PCDHGC4: variants seen among roughly 807,000 people sequenced by gnomAD.
The protein encoded by PCDHGC4 is protocadherin gamma-C4.
In PCDHGC4, 15 loss-of-function variants were observed where a neutral mutation model predicts 59.7. The observed-to-expected ratio is 0.25, with a 90% CI of 0.17 to 0.39. The LOEUF is 0.39. Ranked by LOEUF, PCDHGC4 falls within the 10% of genes least tolerant of loss-of-function variation. The probability of loss-of-function intolerance (pLI) is 1.00; values close to 1 mark genes in which losing one functional copy is unlikely to be tolerated. For missense variants in PCDHGC4, 1,016 were observed against 1,189.5 expected (o/e 0.85, Z 2.15); for synonymous variants, 434 against 481.4 (o/e 0.90, Z 1.29).
intron 1 of PCDHGC4, among the ~76,000 whole-genome samples, chr5:141,494,338 ACAG>A (rs2099753688): frequency 6.6e-6 from 1 of 152,224 alleles, no homozygotes; most frequent in African/African-American, 2.4e-5. Flanking sequence ...GTTACCAAGA[ACAG>A]CAGCCATCTT....
rs774271747 is a variant in PCDHGC4 at position 141,485,866 on chromosome 5, C to A, written c.693C>A (p.Ser231=). Residue 231 remains serine (S), a synonymous_variant, in exon 1 of 4, where the codon TCC becomes TCA. Coordinates refer to ENST00000306593, the MANE Select transcript of PCDHGC4 (RefSeq NM_018928.3). The surrounding 1 kb of genome is among the most constrained non-coding windows in gnomAD (Gnocchi z 5.7). Reference sequence around the variant, plus strand: ...CTGGCACCGCAGAGCTCCGGGTATCCGTGCTGGACGTAAACGACAACGCCC... The same window carrying A: ...CTGGCACCGCAGAGCTCCGGGTATCAGTGCTGGACGTAAACGACAACGCCC... ...PRSGTAELRV[S]VLDVNDNAPA... is the part of the protein sequence containing the mutation. 2 of 1,614,144 alleles carry A rather than the reference C, an allele frequency of 1.2e-6. No homozygotes were observed. Among genetic ancestry groups the A allele is most frequent in the South Asian group, 1.1e-5 (1 of 91,074 alleles).
chr5:141,501,182 C>A (rs531641143), intron 2 of PCDHGC4, among the ~76,000 whole-genome samples: 1 of 152,126 alleles, frequency 6.6e-6, no homozygotes, highest in Non-Finnish European at 1.5e-5. Context: ...TACATTTTAA[C>A]ACAATTAAAT....
chr5:141,494,173 G>C (rs554811420), intron 1 of PCDHGC4, among the ~76,000 whole-genome samples: 2 of 152,304 alleles, frequency 1.3e-5, no homozygotes, highest in South Asian at 2.1e-4. Flanking sequence ...CTAGGGGTGA[G>C]AAGTGTCCCG....
chr5:141,511,351 C>T lies in PCDHGC4; in HGVS notation c.*178C>T. The T allele has an allele frequency of 3.6e-6, 5 of 1,386,550 alleles. No individual in the cohort carries two copies. Among genetic ancestry groups the T allele is most frequent in the South Asian group, 1.5e-5 (1 of 67,154 alleles). The allele number at this position is 1,386,550 out of a possible 1,614,324, so 85.9% of individuals were successfully genotyped here. On this transcript the variant is annotated 3_prime_UTR_variant, in exon 4 of 4. Transcript: ENST00000306593. ...CCAGTCAGCACCTACCCCTTCCCCC[C>T]CAGGGGGTTGAATATGCAAAAGCAG...
chr5:141,497,497 C>T (rs1318882060), intron 2 of PCDHGC4, among the ~76,000 whole-genome samples: 1 of 151,714 alleles, frequency 6.6e-6, no homozygotes, highest in Non-Finnish European at 1.5e-5. Context: ...TCTCTCTCTC[C>T]TCTCTCTGCT....
rs1417059875 is a variant in PCDHGC4 at position 141,496,499 on chromosome 5, G to C, written c.2501+1634G>C. 2.6e-5 allele frequency among the ~76,000 whole-genome samples: 4 copies of C among 152,102 alleles called. No individual in the cohort carries two copies. In the East Asian group the frequency reaches 7.7e-4, roughly 29 times the overall value. On this transcript the variant is annotated intron_variant, in intron 2 of 3. Coordinates refer to ENST00000306593, the MANE Select transcript of PCDHGC4 (RefSeq NM_018928.3). ...TCCTGCAACCAACCAAACCCTTGTT[G>C]CCACAAGGACCCAGGAGCCCTTGGT...
At chr5:141,488,797 T>G (rs1451050520) in intron 1 of PCDHGC4, among the ~76,000 whole-genome samples, 6 of 152,158 alleles carry the variant, frequency 3.9e-5, no homozygotes, top group Non-Finnish European at 8.8e-5. Context: ...TCTTCCCTGT[T>G]GAGTACCATC....
chr5:141,495,005 CG>C (rs2099758180), intron 2 of PCDHGC4, 140 bp downstream of exon 2: 2 of 1,522,694 alleles, frequency 1.3e-6, no homozygotes, highest in African/African-American at 1.4e-5. Context: ...TCTTGGTGTG[CG>C]GGGGGCTGGC....
chr5:141,491,312 C>T lies in PCDHGC4; in HGVS notation c.2443-3495C>T, dbSNP rs749198887. The stretch of plus-strand genomic sequence containing the variant: ...CACCCTCCTGAGCGTTCAGACCTTA[C>T]CCTTTACCTCATTGTGGCTCTAGCG... On this transcript the variant is annotated intron_variant, in intron 1 of 3. Transcript: ENST00000306593. The surrounding 1 kb of genome is among the most constrained non-coding windows in gnomAD (Gnocchi z 6.9). 3 of 1,614,170 alleles carry T rather than the reference C, an allele frequency of 1.9e-6. No individual in the cohort carries two copies. Among genetic ancestry groups the T allele is most frequent in the East Asian group, 4.5e-5 (2 of 44,878 alleles).
chr5:141,510,833 C>T (rs2099882936), intron 3 of PCDHGC4, 114 bp from the exon 4 acceptor site: 46 of 1,577,678 alleles, frequency 2.9e-5, no homozygotes, highest in South Asian at 2.5e-4. Context: ...CAGTGCTCAG[C>T]GTGGTCAAGG....
At position 141,487,025 on chromosome 5, in the gene PCDHGC4, C is replaced by T. The variant is rs769789352; in HGVS notation, c.1852C>T (p.Leu618=). Residue 618 remains leucine (L), a synonymous_variant, in exon 1 of 4, where the codon CTG becomes TTG. Transcript: ENST00000306593. This position sits in a 1 kb window ranked among gnomAD's most constrained non-coding sequence, Gnocchi z 5.0. ...GCTCCTGGAGGCCCCAGATCCCAGCCTGTTTGCAGTCTCTCGATATGCTGG... is the reference window on the plus strand; with the variant it reads ...GCTCCTGGAGGCCCCAGATCCCAGCTTGTTTGCAGTCTCTCGATATGCTGG... The part of the protein sequence containing the change: ...YQLLEAPDPS[L]FAVSRYAGEV... 1.9e-6 allele frequency: 3 copies of T among 1,614,216 alleles called. No homozygotes were observed. Among genetic ancestry groups the T allele is most frequent in the Non-Finnish European group, 2.5e-6 (3 of 1,180,050 alleles).
At position 141,487,116 on chromosome 5, in the gene PCDHGC4, A is replaced by G. The variant is rs749256818; in HGVS notation, c.1943A>G (p.Lys648Arg). Residue 648 changes from lysine to arginine, a missense_variant, in exon 1 of 4, where the codon AAG becomes AGG. Transcript: ENST00000306593. This position sits in a 1 kb window ranked among gnomAD's most constrained non-coding sequence, Gnocchi z 5.0. ...LPPQKLVIVV[K>R]DSGSPPLSTS... ...CCACAGAAGCTGGTCATTGTGGTAA[A>G]GGATAGTGGTAGTCCACCACTCTCT... The G allele has an allele frequency of 3.1e-6, 5 of 1,614,022 alleles. No individual in the cohort carries two copies.
intron 3 of PCDHGC4, among the ~76,000 whole-genome samples, 193 bp downstream of exon 3, chr5:141,505,674 G>C (rs1482125302): frequency 6.6e-6 from 1 of 152,192 alleles, no homozygotes; most frequent in East Asian, 1.9e-4. Context: ...GGGGTTGGGG[G>C]TCCTGGGATG....
intron 3 of PCDHGC4, among the ~76,000 whole-genome samples, chr5:141,509,791 C>T (rs2099878284): frequency 6.6e-6 from 1 of 152,164 alleles, no homozygotes; most frequent in Non-Finnish European, 1.5e-5. Flanking sequence ...TCATCATCTC[C>T]TCAGCTTCAT....
chr5:141,508,714 G>A (rs775462794), intron 3 of PCDHGC4, among the ~76,000 whole-genome samples: 16 of 151,880 alleles, frequency 1.1e-4, no homozygotes, highest in Admixed American at 2.0e-4. Context: ...ATTCTTTTCT[G>A]TGTGCAGGGA....
chr5:141,489,944 T>A lies in PCDHGC4; in HGVS notation c.2442+2329T>A. On this transcript the variant is annotated intron_variant, in intron 1 of 3. Coordinates refer to ENST00000306593, the MANE Select transcript of PCDHGC4 (RefSeq NM_018928.3). The surrounding 1 kb of genome is among the most constrained non-coding windows in gnomAD (Gnocchi z 4.5). ...CTTATCTCTGTCATCGTGCTGGACA[T>A]CAATGATAATGCTCCAACCTTCCAA... 1 of 1,614,172 alleles carries A rather than the reference T, an allele frequency of 6.2e-7. No individual in the cohort carries two copies. The highest frequency in any genetic ancestry group is 8.5e-7 in the Non-Finnish European group (1 of 1,180,010).
In PCDHGC4 at chr5:141,485,115, G is replaced by A. The variant is rs1043877839; in HGVS notation, c.-59G>A. 6.9e-6 allele frequency: 9 copies of A among 1,300,470 alleles called. No individual in the cohort carries two copies. Among genetic ancestry groups the A allele is most frequent in the Non-Finnish European group, 1.1e-6 (1 of 911,406 alleles). 80.6% of individuals were successfully genotyped at this position (1,300,470 alleles called of 1,614,324 possible). ...GTGTCTCCAGCTGCTGTGGCTGTTT[G>A]GGGCGGGTCGGCTTCATCCGCGTCT... On this transcript the variant is annotated 5_prime_UTR_variant, in exon 1 of 4. Coordinates refer to ENST00000306593, the MANE Select transcript of PCDHGC4 (RefSeq NM_018928.3). The surrounding 1 kb of genome is among the most constrained non-coding windows in gnomAD (Gnocchi z 5.7).
In PCDHGC4 at chr5:141,486,565, T is replaced by C; in HGVS notation, c.1392T>C (p.Val464=). The part of the protein sequence containing the change: ...SFFQRSHEVF[V]PENNRPGDLL... ...TTCAGAGGTCACATGAGGTGTTTGT[T>C]CCTGAGAACAATCGCCCAGGGGACC... Residue 464 remains valine, a synonymous_variant, in exon 1 of 4, where the codon GTT becomes GTC. Coordinates refer to ENST00000306593, the MANE Select transcript of PCDHGC4 (RefSeq NM_018928.3). The surrounding 1 kb of genome is among the most constrained non-coding windows in gnomAD (Gnocchi z 5.0). 6.2e-7 allele frequency: 1 copy of C among 1,614,024 alleles called. No homozygotes were observed. Among genetic ancestry groups the C allele is most frequent in the Non-Finnish European group, 8.5e-7 (1 of 1,180,032 alleles).
In PCDHGC4 at chr5:141,512,874, C is replaced by G. The variant is rs2099884476; in HGVS notation, c.*1701C>G. The G allele has an allele frequency of 6.6e-6, 1 of 152,246 alleles. No homozygotes were observed. Among genetic ancestry groups the G allele is most frequent in the Non-Finnish European group, 1.5e-5 (1 of 68,062 alleles). 9.4% of individuals were successfully genotyped at this position (152,246 alleles called of 1,614,324 possible). ...CTTCTCTTCGCATAGTCACGTAGCT[C>G]CCACCCCACCCTCTTCCTGTGTCTC... On this transcript the variant is annotated 3_prime_UTR_variant, in exon 4 of 4. Transcript: ENST00000306593.
Sources: allele counts gnomAD v4.1 joint callset (sites outside exome capture counted in the v4.1 genomes callset), GRCh38; gene constraint gnomAD v4.1.1; non-coding constraint Gnocchi (gnomAD v3.1); transcripts MANE v1.5; gene names NCBI Gene and HGNC (gene_info 2026-07-23, HGNC 2026-07-21).